Variants in ACSBG1 observed in about 807,000 individuals in gnomAD.
ACSBG1 encodes acyl-CoA synthetase bubblegum family member 1, also known as long-chain-fatty-acid--CoA ligase ACSBG1.
A neutral mutation model predicts 80.2 loss-of-function variants in ACSBG1; 39 were observed. That is an observed-to-expected ratio of 0.49 (90% CI 0.38 to 0.64). The LOEUF is 0.64. Among genes scored for constraint, ACSBG1 ranks in the 30% least tolerant of loss-of-function variants. ACSBG1 has a pLI of 0.00. For missense variants in ACSBG1, 828 were observed against 966.4 expected, an observed-to-expected ratio of 0.86 and a Z score of 1.90; for synonymous variants, 392 against 379.5, an observed-to-expected ratio of 1.03 and a Z score of -0.38.
chr15:78,199,523 T>C (rs28463338), intron 2 of ACSBG1, among the ~76,000 whole-genome samples: 8,081 of 152,110 alleles, frequency 0.053, 756 homozygotes, highest in African/African-American at 0.19. Context: ...ACCTTGTCTC[T>C]ACAAAAAGTA....
intron 1 of ACSBG1, chr15:78,209,016 A>T: frequency 2.6e-6 from 1 of 390,328 alleles, no homozygotes; most frequent in Non-Finnish European, 5.1e-6. Context: ...GGAGTTGTGC[A>T]GCATGCAACC....
chr15:78,179,304 A>C (rs2074916371), intron 10 of ACSBG1, among the ~76,000 whole-genome samples: 1 of 152,138 alleles, frequency 6.6e-6, no homozygotes, highest in Non-Finnish European at 1.5e-5. Context: ...TGGGCTATGC[A>C]GGCTGTTTTC....
At chr15:78,228,977 T>A (rs960469816) in intron 1 of ACSBG1, among the ~76,000 whole-genome samples, 2 of 152,208 alleles carry the variant, frequency 1.3e-5, no homozygotes, top group Non-Finnish European at 2.9e-5. Flanking sequence ...ACCGACATTT[T>A]AAAAAAATGT....
At position 78,212,477 on chromosome 15, in the gene ACSBG1, G is replaced by A. The variant is rs759434693; in HGVS notation, c.132-4375C>T. The stretch of plus-strand genomic sequence containing the variant: ...ACCCAAGTCTGGGGGTCCAGGTTGC[G>A]TGCCAACTACTTTCCCTGGGAGACT... On this transcript the variant is annotated intron_variant, in intron 1 of 13. Coordinates refer to ENST00000258873, the MANE Select transcript of ACSBG1 (RefSeq NM_015162.5). 60 of 445,776 alleles carry A rather than the reference G, an allele frequency of 1.3e-4. 1 individual carries two copies. Among genetic ancestry groups the A allele is most frequent in the Admixed American group, 5.0e-4 (21 of 41,966 alleles). The allele number at this position is 445,776 out of a possible 1,614,324, so 27.6% of individuals were successfully genotyped here. A position where few individuals can be genotyped will look rare whatever the true frequency, so the allele number is the denominator to read the frequency against.
At position 78,184,376 on chromosome 15, in the gene ACSBG1, T is replaced by A. The variant is rs1448997876; in HGVS notation, c.664-1591A>T. Among the ~76,000 whole-genome samples the A allele has an allele frequency of 3.3e-5, 5 of 150,310 alleles. No homozygotes were observed. The South Asian group carries it at 1.1e-3, about 32-fold the overall frequency. On this transcript the variant is annotated intron_variant, in intron 5 of 13. Coordinates refer to ENST00000258873, the MANE Select transcript of ACSBG1 (RefSeq NM_015162.5). The stretch of plus-strand genomic sequence containing the variant: ...TTTTTTTTTTGTAGAGACAGGGGGG[T>A]CTCACTATGTTGCCCAGGCTGATCT...
chr15:78,179,716 G>C lies in ACSBG1; in HGVS notation c.1318C>G (p.Leu440Val). ...YLVLAKVRQALGFAKCQKNFY... is the reference protein window; with the variant it reads ...YLVLAKVRQAVGFAKCQKNFY... ...TTCTTTTGACACTTGGCAAATCCCAGTGCCTGGCGAACCTTGGCTAGCACC... is the reference window on the plus strand; with the variant it reads ...TTCTTTTGACACTTGGCAAATCCCACTGCCTGGCGAACCTTGGCTAGCACC... The change falls in exon 10 of 14, where the codon CTG becomes GTG. Residue 440 changes from leucine to valine, a missense_variant. This residue lies in a region of ACSBG1 where 271 missense variants were observed against 375.9 expected (regional missense o/e 0.72). Transcript: ENST00000258873. The C allele has an allele frequency of 6.2e-7, 1 of 1,614,146 alleles. No individual in the cohort carries two copies. The highest frequency in any genetic ancestry group is 8.5e-7 in the Non-Finnish European group (1 of 1,180,032).
At chr15:78,216,485 C>T (rs965636279) in intron 1 of ACSBG1, among the ~76,000 whole-genome samples, 3 of 152,136 alleles carry the variant, frequency 2.0e-5, no homozygotes, top group African/African-American at 2.4e-5. Context: ...TGTGGACCAT[C>T]CCCAGTCTCG....
At chr15:78,215,702 A>G (rs1215868708) in intron 1 of ACSBG1, among the ~76,000 whole-genome samples, 1 of 149,068 alleles carries the variant, frequency 6.7e-6, no homozygotes, top group South Asian at 2.1e-4. Context: ...AAGAAAAAGA[A>G]GGAAAGAGAG....
At chr15:78,219,593 T>G (rs962557940) in intron 1 of ACSBG1, among the ~76,000 whole-genome samples, 4 of 152,322 alleles carry the variant, frequency 2.6e-5, no homozygotes, top group South Asian at 4.1e-4. Context: ...ATGGTAATGC[T>G]CTCCAAATTT....
chr15:78,169,371 TA>T lies in ACSBG1; in HGVS notation c.*2072del, dbSNP rs2074791281. 6.3e-6 allele frequency: 1 copy of T among 158,928 alleles called. No individual in the cohort carries two copies. Among genetic ancestry groups the T allele is most frequent in the South Asian group, 2.0e-4 (1 of 4,890 alleles). 9.8% of individuals were successfully genotyped at this position (158,928 alleles called of 1,614,324 possible). A position where few individuals can be genotyped will look rare whatever the true frequency, so the allele number is the denominator to read the frequency against. ...TAACAAGAGAAAATGTCTAACTTTT[TA>T]AGAAAAACCTTATTTTCTTCGGTTT... On this transcript the variant is annotated 3_prime_UTR_variant, in exon 14 of 14. Coordinates refer to ENST00000258873, the MANE Select transcript of ACSBG1 (RefSeq NM_015162.5).
At chr15:78,183,688 T>G (rs770032574) in intron 5 of ACSBG1, among the ~76,000 whole-genome samples, 1 of 152,158 alleles carries the variant, frequency 6.6e-6, no homozygotes, top group Non-Finnish European at 1.5e-5. Context: ...TTGAGTGTTA[T>G]CTCACATGAT....
At chr15:78,231,612 A>C (rs1035099550) in intron 1 of ACSBG1, among the ~76,000 whole-genome samples, 1 of 151,866 alleles carries the variant, frequency 6.6e-6, no homozygotes, top group Non-Finnish European at 1.5e-5. Context: ...TATTTTTTTG[A>C]GACAGAGTCT....
rs545900753 is a variant in ACSBG1, at chr15:78,228,253, C to G, written c.131+6118G>C. ...GGCCAGAGCTGGGATCCAGGGGTCT[C>G]TCACAGGACCCAGTGTGAGATAGGG... On this transcript the variant is annotated intron_variant, in intron 1 of 13. Coordinates refer to ENST00000258873, the MANE Select transcript of ACSBG1 (RefSeq NM_015162.5). 3.5e-4 allele frequency among the ~76,000 whole-genome samples: 54 copies of G among 152,302 alleles called. No homozygotes were observed. In the South Asian group the frequency reaches 0.011, roughly 30 times the overall value.
At position 78,182,706 on chromosome 15, in the gene ACSBG1, G is replaced by A. The variant is rs768032072; in HGVS notation, c.743C>T (p.Thr248Met). 10 of 1,614,226 alleles carry A rather than the reference G, an allele frequency of 6.2e-6. No homozygotes were observed. Among genetic ancestry groups the A allele is most frequent in the Admixed American group, 3.3e-5 (2 of 60,032 alleles). ...CGCCCAGGGCCCCACTGCCCATACC[G>A]TGTACACATTGGCCATCTTGTTTGG... ...PPPNKMANVYTMEEFMELGNE... is the reference protein window; with the variant it reads ...PPPNKMANVYMMEEFMELGNE... Residue 248 changes from threonine to methionine, a missense_variant and splice_region_variant, in exon 6 of 14, where the codon ACG becomes ATG. Thr to Met is a moderately conservative substitution (Grantham distance 81, BLOSUM62 -1). This residue lies in a region of ACSBG1 where 356 missense variants were observed against 363.5 expected (regional missense o/e 0.98). Coordinates refer to ENST00000258873, the MANE Select transcript of ACSBG1 (RefSeq NM_015162.5).
intron 8 of ACSBG1, among the ~76,000 whole-genome samples, chr15:78,181,271 G>A (rs1595882289): frequency 6.6e-6 from 1 of 152,258 alleles, no homozygotes; most frequent in African/African-American, 2.4e-5. Context: ...GACACTTTGG[G>A]ACACTGAGAT....
chr15:78,184,855 T>C (rs2074982985), intron 5 of ACSBG1, among the ~76,000 whole-genome samples: 1 of 152,154 alleles, frequency 6.6e-6, no homozygotes, highest in Non-Finnish European at 1.5e-5. Flanking sequence ...TTGGCCATCT[T>C]GTTTGGAGAG....
rs1246374456 is a variant in ACSBG1 at position 78,171,098 on chromosome 15, A to T, written c.*346T>A. 5.3e-6 allele frequency: 1 copy of T among 189,672 alleles called. No homozygotes were observed. Among genetic ancestry groups the T allele is most frequent in the African/African-American group, 2.4e-5 (1 of 42,474 alleles). The allele number at this position is 189,672 out of a possible 1,614,324, so 11.7% of individuals were successfully genotyped here. On this transcript the variant is annotated 3_prime_UTR_variant, in exon 14 of 14. Coordinates refer to ENST00000258873, the MANE Select transcript of ACSBG1 (RefSeq NM_015162.5). ...CTCTCTCCTACCCGCTCCACAGCCT[A>T]CTGCTGGCTGTCCTGTATGTGAGCT...
chr15:78,179,844 T>G (rs58092270), intron 9 of ACSBG1, 64 bp from the exon 10 acceptor site: 2 of 647,584 alleles, frequency 3.1e-6, no homozygotes, highest in East Asian at 4.4e-5. Flanking sequence ...CACACACACA[T>G]ACACACATTA....
At chr15:78,218,255 CAGAGGAACTT>C (rs2075328638) in intron 1 of ACSBG1, among the ~76,000 whole-genome samples, 1 of 134,458 alleles carries the variant, frequency 7.4e-6, no homozygotes, top group Non-Finnish European at 1.5e-5. Context: ...CCTCAGACTC[CAGAGGAACTT>C]TATGGGGGTG....
Sources: allele counts gnomAD v4.1 joint callset (sites outside exome capture counted in the v4.1 genomes callset), GRCh38; gene constraint gnomAD v4.1.1; regional missense constraint gnomAD v4.1.1; transcripts MANE v1.5; gene names NCBI Gene and HGNC (gene_info 2026-07-23, HGNC 2026-07-21).